The following NRF1 variants were observed in gnomAD, a reference collection of about 807,000 sequenced individuals.
NRF1 encodes the protein alpha palindromic-binding protein.
In NRF1, 5 loss-of-function variants were observed where a neutral mutation model predicts 58.5. That is an observed-to-expected ratio of 0.09 (90% confidence interval 0.04 to 0.18). The LOEUF (loss-of-function observed/expected upper bound fraction) is 0.18, where lower values mean the gene tolerates loss of function less well. NRF1 is among the 10% of genes least tolerant of loss of function. NRF1 has a pLI of 1.00. For missense variants in NRF1, 288 were observed against 657.7 expected (o/e 0.44, Z 6.15); for synonymous variants, 224 against 246.7 (o/e 0.91, Z 0.86).
chr7:129,625,114 C>G (rs528899944), intron 1 of NRF1, among the ~76,000 whole-genome samples: 5 of 152,202 alleles, frequency 3.3e-5, no homozygotes, highest in African/African-American at 1.2e-4. Flanking sequence ...TTCTTTGTCT[C>G]TTCCAGCCTT....
intron 1 of NRF1, among the ~76,000 whole-genome samples, chr7:129,644,121 T>G (rs1178638628): frequency 6.6e-6 from 1 of 152,208 alleles, no homozygotes; most frequent in South Asian, 2.1e-4. Flanking sequence ...CCTTAGCAAA[T>G]ATCACTAGAA....
At chr7:129,670,812 T>C (rs1802031283) in intron 2 of NRF1, among the ~76,000 whole-genome samples, 1 of 152,204 alleles carries the variant, frequency 6.6e-6, no homozygotes, top group African/African-American at 2.4e-5. Flanking sequence ...GAAAGTTATC[T>C]CTTTTCTGCC....
At chr7:129,665,712 CTCCTTGGGCTCAG>C (rs1801904703) in intron 2 of NRF1, among the ~76,000 whole-genome samples, 1 of 152,122 alleles carries the variant, frequency 6.6e-6, no homozygotes, top group Admixed American at 6.5e-5. Context: ...CAGCCTCAAC[CTCCTTGGGCTCAG>C]ATGATCCTCC....
chr7:129,692,371 A>AT (rs199705182), intron 5 of NRF1, among the ~76,000 whole-genome samples: 5 of 151,818 alleles, frequency 3.3e-5, no homozygotes, highest in South Asian at 2.1e-4. Context: ...GCAGGCTGGT[A>AT]TTTTTTTTGT....
intron 10 of NRF1, among the ~76,000 whole-genome samples, chr7:129,728,626 C>T (rs1015764856): frequency 2.0e-5 from 3 of 152,116 alleles, no homozygotes; most frequent in African/African-American, 7.2e-5. Context: ...ACCGAATGCT[C>T]TGTTAGTTGG....
chr7:129,675,209 T>G (rs1415125871), intron 3 of NRF1, among the ~76,000 whole-genome samples: 3 of 152,200 alleles, frequency 2.0e-5, no homozygotes, highest in Non-Finnish European at 4.4e-5. Context: ...TCAGTCCCAT[T>G]TTCAGGGTCC....
At chr7:129,721,391 TCTC>T (rs980318865) in intron 9 of NRF1, among the ~76,000 whole-genome samples, 1 of 152,142 alleles carries the variant, frequency 6.6e-6, no homozygotes, top group African/African-American at 2.4e-5. Flanking sequence ...TAATTCCTCT[TCTC>T]AAGGAATTTT....
chr7:129,748,807 T>G (rs77041614), intron 10 of NRF1, among the ~76,000 whole-genome samples: 6,619 of 152,304 alleles, frequency 0.043, 169 homozygotes, highest in Middle Eastern at 0.12. Context: ...TCAAAATAAC[T>G]AAATAAATTC....
chr7:129,682,177 TG>T (rs748896863), intron 4 of NRF1, among the ~76,000 whole-genome samples: 1 of 148,886 alleles, frequency 6.7e-6, no homozygotes, highest in African/African-American at 2.5e-5. Context: ...AAACCCACCA[TG>T]GGGGGGCATG....
At chr7:129,748,399 G>A (rs1307242437) in intron 10 of NRF1, among the ~76,000 whole-genome samples, 2 of 152,168 alleles carry the variant, frequency 1.3e-5, no homozygotes, top group Admixed American at 6.5e-5. Flanking sequence ...AATGGTGGCG[G>A]CAATAAAGTC....
At chr7:129,632,444 A>G (rs1005593203) in intron 1 of NRF1, among the ~76,000 whole-genome samples, 4 of 152,218 alleles carry the variant, frequency 2.6e-5, no homozygotes, top group Admixed American at 6.5e-5. Flanking sequence ...AAAAAAGGAT[A>G]TAGAACAATA....
intron 1 of NRF1, among the ~76,000 whole-genome samples, chr7:129,635,211 G>T (rs1227478933): frequency 6.6e-6 from 1 of 152,158 alleles, no homozygotes; most frequent in Non-Finnish European, 1.5e-5. Context: ...CTTCAGAGAT[G>T]GGAAAAGGGA....
intron 10 of NRF1, among the ~76,000 whole-genome samples, chr7:129,747,262 T>G (rs914567359): frequency 1.6e-4 from 25 of 152,232 alleles, no homozygotes; most frequent in Admixed American, 1.5e-3. Context: ...AACCACTTCA[T>G]CTACGTCATG....
intron 1 of NRF1, among the ~76,000 whole-genome samples, chr7:129,631,748 T>C (rs539907404): frequency 2.6e-5 from 4 of 152,312 alleles, no homozygotes; most frequent in Non-Finnish European, 4.4e-5. Context: ...TGTTTAAAAC[T>C]GACCAAAGTA....
rs761957852 is a variant in NRF1, at chr7:129,677,686, T to C, written c.393T>C (p.Ile131=). Residue 131 remains isoleucine (I), a synonymous_variant, in exon 4 of 11, where the codon ATT becomes ATC. Transcript: ENST00000393232. ...CTACTCGTGTGGGACAGCAAGCTAT[T>C]GTCCTCTGTATCTCACCCTCCAAAC... is the stretch of plus-strand genomic sequence containing the variant. ...EYTTRVGQQA[I]VLCISPSKPN... The C allele has an allele frequency of 1.2e-6, 2 of 1,614,026 alleles. No individual in the cohort carries two copies. The highest frequency in any genetic ancestry group is 4.5e-5 in the East Asian group (2 of 44,888).
intron 1 of NRF1, among the ~76,000 whole-genome samples, chr7:129,613,588 C>A (rs1387251464): frequency 6.6e-6 from 1 of 151,466 alleles, no homozygotes; most frequent in Non-Finnish European, 1.5e-5. Flanking sequence ...CCAAAAAAAA[C>A]AATAATCAGA....
intron 10 of NRF1, among the ~76,000 whole-genome samples, chr7:129,748,013 T>C (rs1205742347): frequency 6.6e-6 from 1 of 152,048 alleles, no homozygotes; most frequent in East Asian, 1.9e-4. Context: ...CGGTGGCTCA[T>C]GCCTATAATC....
intron 8 of NRF1, 31 bp from the exon 9 acceptor site, chr7:129,717,187 GT>G (rs750384099): frequency 6.4e-7 from 1 of 1,552,118 alleles, no homozygotes; most frequent in Non-Finnish European, 8.7e-7. Context: ...TTGTGGCTTT[GT>G]TTTTTTACTA....
chr7:129,684,402 G>C (rs1802399497), intron 4 of NRF1, among the ~76,000 whole-genome samples: 1 of 152,170 alleles, frequency 6.6e-6, no homozygotes. Context: ...TCTCAGCCAA[G>C]TGGATTAACT....
Sources: allele counts gnomAD v4.1 joint callset (sites outside exome capture counted in the v4.1 genomes callset), GRCh38; gene constraint gnomAD v4.1.1; transcripts MANE v1.5; gene names NCBI Gene and HGNC (gene_info 2026-07-23, HGNC 2026-07-21).